Variants in TRPC5 observed in about 807,000 individuals in gnomAD.
The protein encoded by TRPC5 is short transient receptor potential channel 5.
In TRPC5, 9 loss-of-function variants were observed where a neutral mutation model predicts 56.5. The ratio of observed to expected loss-of-function variants is 0.16; its 90% CI spans 0.10 to 0.28. TRPC5 has a LOEUF of 0.28. TRPC5 is among the 10% of genes least tolerant of loss of function. TRPC5 has a pLI of 1.00. For missense variants in TRPC5, 469 were observed against 748.9 expected, an observed-to-expected ratio of 0.63 and a Z score of 4.36; for synonymous variants, 282 against 278.5, an observed-to-expected ratio of 1.01 and a Z score of -0.13.
At chrX:112,080,844 C>T (rs142562528) in intron 1 of TRPC5, among the ~76,000 whole-genome samples, 1,495 of 111,888 alleles carry the variant, frequency 0.013, 30 homozygotes, top group African/African-American at 0.043. Context: ...TTGTTAAATG[C>T]CATGAAGATA....
chrX:111,931,062 C>T (rs930722644), intron 2 of TRPC5: 2 of 111,534 alleles, frequency 1.8e-5, no homozygotes, highest in African/African-American at 6.5e-5. Flanking sequence ...AGATGCAGTG[C>T]AAATGTCACT....
At chrX:111,916,570 G>A (rs1925983081) in intron 2 of TRPC5, among the ~76,000 whole-genome samples, 1 of 111,723 alleles carries the variant, frequency 9.0e-6, no homozygotes. Context: ...CTAAAATGCA[G>A]GCCAAACAGG....
At chrX:111,909,550 A>C (rs1411194102) in intron 3 of TRPC5, among the ~76,000 whole-genome samples, 3 of 110,210 alleles carry the variant, frequency 2.7e-5, no homozygotes, top group Non-Finnish European at 5.7e-5. Context: ...AAAATGTGAA[A>C]TTTTATATTA....
At chrX:112,055,781 A>G (rs1207536163) in intron 1 of TRPC5, among the ~76,000 whole-genome samples, 2 of 108,870 alleles carry the variant, frequency 1.8e-5, no homozygotes, top group Non-Finnish European at 3.8e-5. Context: ...TAATTTATAT[A>G]TATATATTTG....
chrX:111,994,224 A>G (rs1326016000), intron 1 of TRPC5, among the ~76,000 whole-genome samples: 2 of 110,751 alleles, frequency 1.8e-5, no homozygotes, highest in Non-Finnish European at 3.8e-5. Flanking sequence ...GATGTGTAGT[A>G]TTATTTCTGA....
chrX:111,834,899 C>T (rs370545921), intron 7 of TRPC5, 22 bp downstream of exon 7: 1 of 1,171,442 alleles, frequency 8.5e-7, no homozygotes, highest in African/African-American at 1.8e-5. Flanking sequence ...AGTAAGCACG[C>T]TTGTAAAGCA....
intron 7 of TRPC5, among the ~76,000 whole-genome samples, chrX:111,804,282 A>T (rs193249607): frequency 8.6e-4 from 96 of 111,551 alleles, no homozygotes; most frequent in African/African-American, 2.9e-3. Context: ...AGTCAGGTAG[A>T]GTGATGCCTC....
chrX:111,812,508 A>T, intron 7 of TRPC5, among the ~76,000 whole-genome samples: 1 of 112,126 alleles, frequency 8.9e-6, no homozygotes, highest in Non-Finnish European at 1.9e-5. Flanking sequence ...TTCATTTATC[A>T]TGTATCAATT....
At chrX:111,928,866 T>C (rs540924861) in intron 2 of TRPC5, among the ~76,000 whole-genome samples, 113 of 112,243 alleles carry the variant, frequency 1.0e-3, no homozygotes, top group South Asian at 1.1e-3. Flanking sequence ...TTACACATAA[T>C]GATGAATTTT....
At chrX:111,954,935 C>T (rs988011939) in intron 1 of TRPC5, among the ~76,000 whole-genome samples, 16 of 111,939 alleles carry the variant, frequency 1.4e-4, no homozygotes, top group Non-Finnish European at 3.0e-4. Flanking sequence ...TAATGTGGCT[C>T]AGGCATGGTG....
intron 1 of TRPC5, among the ~76,000 whole-genome samples, chrX:112,064,081 A>G (rs919121638): frequency 8.9e-6 from 1 of 112,532 alleles, no homozygotes; most frequent in Non-Finnish European, 1.9e-5. Flanking sequence ...TCTGTCATAT[A>G]TAGGAAAGTA....
At chrX:111,923,842 G>A (rs1216440442) in intron 2 of TRPC5, among the ~76,000 whole-genome samples, 5 of 111,932 alleles carry the variant, frequency 4.5e-5, no homozygotes, top group East Asian at 2.8e-4. Context: ...TAATCAACGC[G>A]TCCCTAGCAT....
At chrX:111,834,257 C>T (rs1217785957) in intron 7 of TRPC5, among the ~76,000 whole-genome samples, 1 of 111,262 alleles carries the variant, frequency 9.0e-6, no homozygotes, top group African/African-American at 3.3e-5. Flanking sequence ...CTTAGGAGTG[C>T]CTTGCAATGG....
intron 7 of TRPC5, among the ~76,000 whole-genome samples, chrX:111,795,733 G>A (rs1041088119): frequency 9.0e-6 from 1 of 111,629 alleles, no homozygotes; most frequent in East Asian, 2.8e-4. Flanking sequence ...TGAACTCTTA[G>A]ATGTATAGAT....
chrX:111,792,380 G>T (rs1044427084), intron 7 of TRPC5, among the ~76,000 whole-genome samples: 21 of 110,890 alleles, frequency 1.9e-4, no homozygotes, highest in African/African-American at 6.9e-4. Context: ...CTAGATGACG[G>T]GTTGATGGGT....
Position 112,081,948 on chromosome X carries a change from C to T in TRPC5, c.-91G>A, listed in dbSNP as rs750175416. 6 of 111,608 alleles carry T rather than the reference C, an allele frequency of 5.4e-5. No individual in the cohort carries two copies. The highest frequency in any genetic ancestry group is 3.8e-4 in the Admixed American group (4 of 10,585). 9.2% of individuals were successfully genotyped at this position (111,608 alleles called of 1,213,427 possible). A position where few individuals can be genotyped will look rare whatever the true frequency, so the allele number is the denominator to read the frequency against. On this transcript the variant is annotated 5_prime_UTR_variant, in exon 1 of 11. Coordinates refer to ENST00000262839, the MANE Select transcript of TRPC5 (RefSeq NM_012471.3). ...TGTCCACCGGCCAGGATGCGTGGTGCGGCGCCTTGCCGGACTCCTCTTTTG... is the reference window on the plus strand; with the variant it reads ...TGTCCACCGGCCAGGATGCGTGGTGTGGCGCCTTGCCGGACTCCTCTTTTG...
rs1324770277 is a variant in TRPC5, at chrX:111,912,832, A to C, written c.379-20T>G. On this transcript the variant is annotated intron_variant, in intron 2 of 10. Transcript: ENST00000262839. ...GGGGACCTAGGTACAAGAAATGAGA[A>C]GAATAGAAGGGCAGGATTAAAGTTT... 1 of 1,181,573 alleles carries C rather than the reference A, an allele frequency of 8.5e-7. No individual in the cohort carries two copies. Among genetic ancestry groups the C allele is most frequent in the Admixed American group, 2.2e-5 (1 of 45,084 alleles).
chrX:112,064,639 T>C lies in TRPC5; in HGVS notation c.-22+17240A>G, dbSNP rs73637370. 7.6e-3 allele frequency among the ~76,000 whole-genome samples: 849 copies of C among 112,304 alleles called. 2 individuals are homozygous for C. Among genetic ancestry groups the C allele is most frequent in the African/African-American group, 0.027 (819 of 30,880 alleles). On this transcript the variant is annotated intron_variant, in intron 1 of 10. Transcript: ENST00000262839. ...CATTGACTGACTTTCCCTAAGCATC[T>C]AGAAATGTATCAGGAATAATCTCTC...
At chrX:111,906,888 T>C (rs953381310) in intron 3 of TRPC5, among the ~76,000 whole-genome samples, 4 of 111,793 alleles carry the variant, frequency 3.6e-5, no homozygotes, top group African/African-American at 1.3e-4. Flanking sequence ...TCTGTCCTAT[T>C]CCTCATTACA....
Sources: gnomAD v4.1 joint callset for allele counts (sites outside exome capture counted in the v4.1 genomes callset) on GRCh38, gnomAD v4.1.1 for gene constraint, MANE v1.5 for transcripts, NCBI Gene and HGNC (gene_info 2026-07-23, HGNC 2026-07-21) for gene names.